The following SPAG1 variants were observed in gnomAD, a reference collection of about 807,000 sequenced individuals.
SPAG1 encodes sperm associated antigen 1, also known as sperm-associated antigen 1.
Under a neutral mutation model 100.5 loss-of-function variants are expected in SPAG1, and 69 were observed. That is an observed-to-expected ratio of 0.69 (90% CI 0.57 to 0.84). The LOEUF (loss-of-function observed/expected upper bound fraction) is 0.84, where lower values mean the gene tolerates loss of function less well. Ranked by LOEUF, SPAG1 falls within the 40% of genes least tolerant of loss-of-function variation. The pLI is 0.00. For missense variants in SPAG1, 955 were observed against 1,133.1 expected (o/e 0.84, Z 2.26); for synonymous variants, 336 against 411.6 (o/e 0.82, Z 2.22).
At chr8:100,200,304 C>T (rs1328230190) in intron 10 of SPAG1, among the ~76,000 whole-genome samples, 1 of 152,172 alleles carries the variant, frequency 6.6e-6, no homozygotes, top group Non-Finnish European at 1.5e-5. Context: ...GCATAGTATT[C>T]CATGGGGTAT....
intron 12 of SPAG1, among the ~76,000 whole-genome samples, chr8:100,219,732 C>T (rs1420271440): frequency 2.6e-5 from 4 of 152,136 alleles, no homozygotes; most frequent in African/African-American, 4.8e-5. Context: ...TAGACTAAAA[C>T]GTGCAAGATG....
chr8:100,195,237 G>T (rs1039237064), intron 10 of SPAG1, among the ~76,000 whole-genome samples: 6 of 151,930 alleles, frequency 3.9e-5, no homozygotes, highest in African/African-American at 1.2e-4. Flanking sequence ...TGGCAGTGGC[G>T]GGGCAGTGGA....
rs776190362 is a variant in SPAG1 at position 100,162,268 on chromosome 8, T to C, written c.-2-11T>C. ...ACATTAGATTAATAACTTTTAAATA[T>C]TGTATTTCAGCTATGACCACCAAAG... is the stretch of plus-strand genomic sequence containing the variant. On this transcript the variant is annotated splice_polypyrimidine_tract_variant and intron_variant, in intron 1 of 18. Coordinates refer to ENST00000388798, the MANE Select transcript of SPAG1 (RefSeq NM_003114.5). 7.6e-6 allele frequency: 12 copies of C among 1,577,870 alleles called. No individual in the cohort carries two copies. The highest frequency in any genetic ancestry group is 4.1e-5 in the African/African-American group (3 of 73,176).
chr8:100,209,893 G>A (rs1314912065), intron 10 of SPAG1, among the ~76,000 whole-genome samples: 1 of 151,586 alleles, frequency 6.6e-6, no homozygotes, highest in African/African-American at 2.4e-5. Flanking sequence ...TGGGGGTGGT[G>A]AAGGGGGTGG....
Position 100,194,104 on chromosome 8 carries a change from T to C in SPAG1, c.940-8T>C, listed in dbSNP as rs754778524. On this transcript the variant is annotated splice_polypyrimidine_tract_variant and splice_region_variant and intron_variant, in intron 9 of 18. Coordinates refer to ENST00000388798, the MANE Select transcript of SPAG1 (RefSeq NM_003114.5). ...AATATTTTCTTTAATATGGTAATTA[T>C]GTTGCAGAAAACCTTGTCAGAGGTT... The C allele has an allele frequency of 3.5e-6, 5 of 1,438,022 alleles. No homozygotes were observed. The highest frequency in any genetic ancestry group is 4.7e-6 in the Non-Finnish European group (5 of 1,056,268). 89.1% of individuals were successfully genotyped at this position (1,438,022 alleles called of 1,614,324 possible).
chr8:100,213,108 G>A lies in SPAG1; in HGVS notation c.1115G>A (p.Gly372Glu). ...CTCACAGAGCCCGCGGAGCCGGCGG[G>A]AGCCGCGCGCGCCGCCCAGCCGTGC... ...GGDKKPAEPA[G>E]AARAAQPCVM... The change falls in exon 11 of 19, where the codon GGA becomes GAA. Residue 372 changes from glycine to glutamate, a missense_variant. By Grantham distance (98) the Gly-to-Glu change is moderately conservative. Coordinates refer to ENST00000388798, the MANE Select transcript of SPAG1 (RefSeq NM_003114.5). The A allele has an allele frequency of 1.4e-6, 2 of 1,479,448 alleles. No homozygotes were observed. The highest frequency in any genetic ancestry group is 8.9e-7 in the Non-Finnish European group (1 of 1,122,016). The allele number at this position is 1,479,448 out of a possible 1,614,324, so 91.6% of individuals were successfully genotyped here.
At position 100,211,410 on chromosome 8, in the gene SPAG1, C is replaced by A. The variant is rs370372926; in HGVS notation, c.1097-1680C>A. 3.1e-4 allele frequency among the ~76,000 whole-genome samples: 47 copies of A among 152,344 alleles called. No homozygotes were observed. The East Asian group carries it at 8.5e-3, about 28-fold the overall frequency. On this transcript the variant is annotated intron_variant, in intron 10 of 18. Transcript: ENST00000388798. ...GTGGCTCATGCCTGCAATCCCAGGACTTTGGAAGGCCAAGGAGAGAGGACT... is the reference window on the plus strand; with the variant it reads ...GTGGCTCATGCCTGCAATCCCAGGAATTTGGAAGGCCAAGGAGAGAGGACT...
intron 13 of SPAG1, among the ~76,000 whole-genome samples, chr8:100,223,059 T>A (rs915440046): frequency 6.6e-6 from 1 of 152,224 alleles, no homozygotes; most frequent in Non-Finnish European, 1.5e-5. Flanking sequence ...GCATAATGTC[T>A]TCAGGGTTCA....
chr8:100,231,362 T>C (rs1226558908), intron 15 of SPAG1, 74 bp downstream of exon 15: 4 of 1,075,980 alleles, frequency 3.7e-6, no homozygotes, highest in Non-Finnish European at 5.2e-6. Flanking sequence ...AGTTATTTTA[T>C]TAACACAATT....
chr8:100,240,877 T>A lies in SPAG1; in HGVS notation c.2650-14T>A. 1 of 1,570,028 alleles carries A rather than the reference T, an allele frequency of 6.4e-7. No individual in the cohort carries two copies. Among genetic ancestry groups the A allele is most frequent in the East Asian group, 2.2e-5 (1 of 44,638 alleles). ...AGTTGGTTTTTTGTTTTTTTTTTTT[T>A]TTGCTTCTTTTAGATGATGTTGACA... On this transcript the variant is annotated splice_polypyrimidine_tract_variant and intron_variant, in intron 18 of 18. Transcript: ENST00000388798.
Position 100,213,397 on chromosome 8 carries a change from C to T in SPAG1, c.1404C>T (p.Tyr468=). ...AGTTCGCCGAGGCGGCCGGCAAGTACTCGGCGGCAATCGCGCTCCTGGAGC... is the reference window on the plus strand; with the variant it reads ...AGTTCGCCGAGGCGGCCGGCAAGTATTCGGCGGCAATCGCGCTCCTGGAGC... The part of the protein sequence containing the change: ...SGQFAEAAGK[Y]SAAIALLEPA... Residue 468 remains tyrosine, a synonymous_variant, in exon 11 of 19, where the codon TAC becomes TAT. Transcript: ENST00000388798. 1 of 1,445,832 alleles carries T rather than the reference C, an allele frequency of 6.9e-7. No individual in the cohort carries two copies. Among genetic ancestry groups the T allele is most frequent in the Non-Finnish European group, 9.1e-7 (1 of 1,098,108 alleles). The allele number at this position is 1,445,832 out of a possible 1,614,324, so 89.6% of individuals were successfully genotyped here.
chr8:100,215,528 A>ATTTTGTTT, intron 12 of SPAG1, among the ~76,000 whole-genome samples: 1 of 152,064 alleles, frequency 6.6e-6, no homozygotes, highest in Non-Finnish European at 1.5e-5. Context: ...GTATCAGTTT[A>ATTTTGTTT]TTTTGTTTTT....
intron 3 of SPAG1, among the ~76,000 whole-genome samples, chr8:100,167,734 T>G (rs901914299): frequency 6.6e-6 from 1 of 152,234 alleles, no homozygotes; most frequent in African/African-American, 2.4e-5. Context: ...AACTTTATAG[T>G]GTACATTTCA....
intron 3 of SPAG1, among the ~76,000 whole-genome samples, chr8:100,167,157 T>TA (rs563255031): frequency 4.2e-4 from 64 of 151,632 alleles, no homozygotes; most frequent in African/African-American, 1.2e-3. Context: ...GTTTCTTTAT[T>TA]AAAAAAAACA....
chr8:100,170,173 A>G (rs1014192257), intron 3 of SPAG1, among the ~76,000 whole-genome samples: 1 of 152,180 alleles, frequency 6.6e-6, no homozygotes, highest in Non-Finnish European at 1.5e-5. Context: ...ATCCATGAAC[A>G]TTGTATATTT....
chr8:100,202,125 G>A (rs2132313663), intron 10 of SPAG1, among the ~76,000 whole-genome samples: 1 of 152,194 alleles, frequency 6.6e-6, no homozygotes, highest in Middle Eastern at 3.4e-3. Context: ...ACTGGAAGAT[G>A]CTCAGCCAGT....
At chr8:100,236,553 G>A (rs769933317) in intron 16 of SPAG1, among the ~76,000 whole-genome samples, 4 of 152,218 alleles carry the variant, frequency 2.6e-5, no homozygotes, top group Middle Eastern at 6.3e-3. Flanking sequence ...AGGGGCTCAC[G>A]GTGGCAGGTG....
At chr8:100,170,822 TTTATTTATTTATTTA>T (rs1563771501) in intron 3 of SPAG1, among the ~76,000 whole-genome samples, 6 of 148,500 alleles carry the variant, frequency 4.0e-5, no homozygotes, top group Non-Finnish European at 7.4e-5. Context: ...TATTTATTTA[TTTATTTATTTATTTA>T]TTTATTTATT....
intron 2 of SPAG1, among the ~76,000 whole-genome samples, chr8:100,163,670 CCTTTTTCTCTTTCATCACCTT>C (rs1815418683): frequency 6.6e-6 from 1 of 152,160 alleles, no homozygotes; most frequent in Non-Finnish European, 1.5e-5. Context: ...TGGGTTCTTC[CCTTTTTCTCTTTCATCACCTT>C]TAGCTTCCTT....
Sources: gnomAD v4.1 joint callset for allele counts (sites outside exome capture counted in the v4.1 genomes callset) on GRCh38, gnomAD v4.1.1 for gene constraint, MANE v1.5 for transcripts, NCBI Gene and HGNC (gene_info 2026-07-23, HGNC 2026-07-21) for gene names.